The following VPS13B variants were observed in gnomAD, a reference collection of about 807,000 sequenced individuals.
VPS13B encodes vacuolar protein sorting 13 homolog B.
Under a neutral mutation model 426.4 loss-of-function variants are expected in VPS13B, and 285 were observed. That is an observed-to-expected ratio of 0.67 (90% CI 0.61 to 0.74). The LOEUF (loss-of-function observed/expected upper bound fraction) is 0.74. Ranked by LOEUF, VPS13B falls within the 30% of genes least tolerant of loss-of-function variation. The pLI is 0.00. For missense variants in VPS13B, 4,537 were observed against 4,782.6 expected (o/e 0.95, Z 1.51); for synonymous variants, 1,676 against 1,676.4 (o/e 1.00, Z 0.01).
At chr8:99,078,696 G>A (rs1466200597) in intron 3 of VPS13B, among the ~76,000 whole-genome samples, 1 of 152,104 alleles carries the variant, frequency 6.6e-6, no homozygotes, top group South Asian at 2.1e-4. Context: ...AGTCTGGTGG[G>A]TCCTCAGAGT....
chr8:99,576,183 C>A (rs574720687), intron 32 of VPS13B, among the ~76,000 whole-genome samples: 2 of 152,172 alleles, frequency 1.3e-5, no homozygotes, highest in South Asian at 4.1e-4. Flanking sequence ...ATCTGAGAAG[C>A]TAAAGTTCTA....
intron 19 of VPS13B, among the ~76,000 whole-genome samples, chr8:99,284,791 G>A (rs1819348194): frequency 6.6e-6 from 1 of 151,860 alleles, no homozygotes; most frequent in Non-Finnish European, 1.5e-5. Context: ...GAACTCCTAC[G>A]TTCAAGCGAT....
At chr8:99,520,045 A>G (rs1261136803) in intron 29 of VPS13B, among the ~76,000 whole-genome samples, 1 of 152,324 alleles carries the variant, frequency 6.6e-6, no homozygotes. Context: ...TGAGTTGTGG[A>G]AAAAGTGCTG....
intron 39 of VPS13B, among the ~76,000 whole-genome samples, chr8:99,726,071 G>T (rs999385823): frequency 6.6e-6 from 1 of 152,034 alleles, no homozygotes; most frequent in Non-Finnish European, 1.5e-5. Context: ...TTGTTGATGA[G>T]ATTTATAAAC....
chr8:99,336,211 A>G (rs796668572), intron 19 of VPS13B, among the ~76,000 whole-genome samples: 1 of 152,016 alleles, frequency 6.6e-6, no homozygotes, highest in Non-Finnish European at 1.5e-5. Context: ...ATAACGCCGC[A>G]TATCTACAAC....
Position 99,299,052 on chromosome 8 carries a change from C to CTT in VPS13B, c.2824+23823_2824+23824dup, listed in dbSNP as rs11302301. On this transcript the variant is annotated intron_variant, in intron 19 of 61. Transcript: ENST00000357162. Reference sequence around the variant, plus strand: ...CGATCTTGGCCAAGTTATTCCACCACTTTTTTTTTTTTTTTTTTTTTTTTT... The same window carrying CTT: ...CGATCTTGGCCAAGTTATTCCACCACTTTTTTTTTTTTTTTTTTTTTTTTTTT... Among the ~76,000 whole-genome samples, 50 of 55,042 alleles carry CTT rather than the reference C, an allele frequency of 9.1e-4. 3 individuals are homozygous for CTT. Among genetic ancestry groups the CTT allele is most frequent in the African/African-American group, 3.9e-3 (45 of 11,658 alleles). 36.1% of individuals were successfully genotyped at this position (55,042 alleles called of 152,430 possible).
intron 39 of VPS13B, among the ~76,000 whole-genome samples, chr8:99,744,613 G>A (rs1164163040): frequency 2.1e-4 from 32 of 152,104 alleles, no homozygotes; most frequent in South Asian, 1.2e-3. Flanking sequence ...AATGTGGCAC[G>A]TATACACCAT....
chr8:99,307,511 T>G (rs1279064318), intron 19 of VPS13B, among the ~76,000 whole-genome samples: 1 of 152,096 alleles, frequency 6.6e-6, no homozygotes, highest in African/African-American at 2.4e-5. Flanking sequence ...TTTTAATTCC[T>G]GAATATTGAG....
intron 20 of VPS13B, among the ~76,000 whole-genome samples, chr8:99,385,028 A>G (rs1331632123): frequency 2.0e-5 from 3 of 152,162 alleles, no homozygotes; most frequent in Admixed American, 6.5e-5. Context: ...GGTTTTTTCA[A>G]CAAACATGCA....
chr8:99,697,137 C>A, intron 35 of VPS13B: 1 of 533,060 alleles, frequency 1.9e-6, no homozygotes. Context: ...CAAGTCCATA[C>A]TGCAGACTCT....
chr8:99,675,167 T>C (rs1393362162), intron 35 of VPS13B, among the ~76,000 whole-genome samples: 2 of 152,148 alleles, frequency 1.3e-5, no homozygotes, highest in African/African-American at 2.4e-5. Flanking sequence ...GGAAAGTTTT[T>C]ATCTCTCTTT....
chr8:99,384,412 A>G (rs1814005584), intron 20 of VPS13B, 95 bp downstream of exon 20: 5 of 1,026,264 alleles, frequency 4.9e-6, no homozygotes, highest in Non-Finnish European at 7.4e-6. Context: ...CTTTTTTAAC[A>G]AATGTACTAG....
intron 55 of VPS13B, 91 bp from the exon 56 acceptor site, chr8:99,853,360 G>T: frequency 1.5e-6 from 2 of 1,303,122 alleles, no homozygotes; most frequent in Non-Finnish European, 2.2e-6. Context: ...CCATCAGGAG[G>T]TATTTAATAG....
At chr8:99,459,135 C>T (rs1481218397) in intron 23 of VPS13B, among the ~76,000 whole-genome samples, 2 of 152,036 alleles carry the variant, frequency 1.3e-5, no homozygotes, top group Non-Finnish European at 2.9e-5. Context: ...CTTTTTTTAA[C>T]GTCTAGCATA....
intron 20 of VPS13B, among the ~76,000 whole-genome samples, chr8:99,386,093 A>T (rs774740465): frequency 6.6e-6 from 1 of 152,182 alleles, no homozygotes; most frequent in Non-Finnish European, 1.5e-5. Context: ...AGTTAGACTA[A>T]TGGCAGTAAC....
chr8:99,279,721 C>T (rs1372519638), intron 19 of VPS13B, among the ~76,000 whole-genome samples: 1 of 152,020 alleles, frequency 6.6e-6, no homozygotes, highest in African/African-American at 2.4e-5. Context: ...TATAAAATGA[C>T]CATGAATTCT....
At chr8:99,574,586 T>C (rs988049525) in intron 31 of VPS13B, among the ~76,000 whole-genome samples, 2 of 152,204 alleles carry the variant, frequency 1.3e-5, no homozygotes, top group African/African-American at 4.8e-5. Context: ...TGGTTCTGTT[T>C]ATATGCTGGA....
chr8:99,076,435 C>A (rs188471019), intron 3 of VPS13B, among the ~76,000 whole-genome samples: 1 of 152,004 alleles, frequency 6.6e-6, no homozygotes, highest in Non-Finnish European at 1.5e-5. Context: ...GATGATATGT[C>A]CCATGCTGAG....
Position 99,252,416 on chromosome 8 carries a change from A to T in VPS13B, c.2516-21782A>T, listed in dbSNP as rs1014466231. 1.8e-4 allele frequency among the ~76,000 whole-genome samples: 28 copies of T among 152,002 alleles called. 1 individual carries two copies. The highest frequency in any genetic ancestry group is 6.7e-4 in the African/African-American group (28 of 41,482). The stretch of plus-strand genomic sequence containing the variant: ...TGAATCTAATGTGGTCTGAGAACAA[A>T]CTCTGTATAGCTTCATTTATTTTAA... On this transcript the variant is annotated intron_variant, in intron 17 of 61. Coordinates refer to ENST00000357162, the MANE Select transcript of VPS13B (RefSeq NM_152564.5).
Sources: gnomAD v4.1 joint callset for allele counts (sites outside exome capture counted in the v4.1 genomes callset) on GRCh38, gnomAD v4.1.1 for gene constraint, MANE v1.5 for transcripts, NCBI Gene and HGNC (gene_info 2026-07-23, HGNC 2026-07-21) for gene names.